Variants in PRRC2B observed in about 807,000 individuals in gnomAD.
PRRC2B encodes the protein proline rich coiled-coil 2B.
A neutral mutation model predicts 242.3 loss-of-function variants in PRRC2B; 68 were observed. The observed-to-expected ratio is 0.28, with a 90% CI of 0.23 to 0.34. The LOEUF (loss-of-function observed/expected upper bound fraction) is 0.34, where lower values mean the gene tolerates loss of function less well. Among genes scored for constraint, PRRC2B ranks in the 10% least tolerant of loss-of-function variants. The probability of loss-of-function intolerance (pLI) is 1.00; values close to 1 mark genes in which losing one functional copy is unlikely to be tolerated. For synonymous variants in PRRC2B, 1,228 were observed against 1,173.6 expected, an observed-to-expected ratio of 1.05 and a Z score of -0.95; for missense variants, 2,835 against 2,954.8, an observed-to-expected ratio of 0.96 and a Z score of 0.94.
At chr9:131,456,631 C>A (rs1307520541) in intron 10 of PRRC2B, among the ~76,000 whole-genome samples, 1 of 151,450 alleles carries the variant, frequency 6.6e-6, no homozygotes. Flanking sequence ...GAGCGAGACT[C>A]CACCTCAAAA....
chr9:131,481,174 G>A (rs934282161), intron 19 of PRRC2B, among the ~76,000 whole-genome samples: 31 of 151,934 alleles, frequency 2.0e-4, no homozygotes, highest in African/African-American at 7.0e-4. Flanking sequence ...GCCGGGCGTG[G>A]TGGCGGGCAC....
intron 19 of PRRC2B, among the ~76,000 whole-genome samples, chr9:131,481,468 ACT>A (rs973509234): frequency 1.3e-5 from 2 of 152,078 alleles, no homozygotes; most frequent in Non-Finnish European, 2.9e-5. Context: ...TGCCCTGCTC[ACT>A]CTCTCCTGTA....
chr9:131,478,755 C>T, intron 18 of PRRC2B, 136 bp downstream of exon 18: 1 of 628,060 alleles, frequency 1.6e-6, no homozygotes, highest in Non-Finnish European at 2.8e-6. Flanking sequence ...ATTTAGCAAG[C>T]ACACATTGTC....
At chr9:131,411,696 G>C (rs1037670958) in intron 1 of PRRC2B, among the ~76,000 whole-genome samples, 6 of 151,242 alleles carry the variant, frequency 4.0e-5, no homozygotes, top group Non-Finnish European at 7.4e-5. Flanking sequence ...ATTCCACTTA[G>C]ATTCAAAACT....
At chr9:131,396,411 C>T (rs1223391533) in intron 1 of PRRC2B, among the ~76,000 whole-genome samples, 1 of 150,590 alleles carries the variant, frequency 6.6e-6, no homozygotes, top group Non-Finnish European at 1.5e-5. Context: ...CTGCAACCTC[C>T]GCCTCCTGGG....
intron 1 of PRRC2B, among the ~76,000 whole-genome samples, chr9:131,386,992 CTCTT>C (rs1055341940): frequency 2.2e-4 from 33 of 149,344 alleles, no homozygotes; most frequent in African/African-American, 6.1e-4. Context: ...TTAGGCCTGT[CTCTT>C]TCTTTCTTTC....
At position 131,474,508 on chromosome 9, in the gene PRRC2B, G is replaced by T; in HGVS notation, c.2379G>T (p.Gln793His). ...GAAGGGCAGGGGGCGTAAGTGCTCA[G>T]CGCGATCTCTTTGAGGAGAGAGGGG... ...SLGRAGGVSA[Q>H]RDLFEERGEE... Residue 793 changes from glutamine (Q) to histidine (H), a missense_variant, in exon 16 of 32, where the codon CAG becomes CAT. Gln to His is a conservative substitution (Grantham distance 24). Coordinates refer to ENST00000683519, the MANE Select transcript of PRRC2B (RefSeq NM_013318.4). The T allele has an allele frequency of 6.2e-7, 1 of 1,614,040 alleles. No individual in the cohort carries two copies. Among genetic ancestry groups the T allele is most frequent in the Non-Finnish European group, 8.5e-7 (1 of 1,179,904 alleles).
intron 28 of PRRC2B, chr9:131,490,987 T>C (rs1243093751): frequency 3.8e-6 from 1 of 261,174 alleles, no homozygotes; most frequent in African/African-American, 2.2e-5. Flanking sequence ...GTCCAGTGTG[T>C]GACACACTAT....
In PRRC2B at chr9:131,487,386, G is replaced by T. The variant is rs142443080; in HGVS notation, c.5984+92G>T. 221 of 923,872 alleles carry T rather than the reference G, an allele frequency of 2.4e-4. No homozygotes were observed. The African/African-American group carries it at 3.0e-3, about 12-fold the overall frequency. The allele number at this position is 923,872 out of a possible 1,614,324, so 57.2% of individuals were successfully genotyped here. A position where few individuals can be genotyped will look rare whatever the true frequency, so the allele number is the denominator to read the frequency against. On this transcript the variant is annotated intron_variant, in intron 27 of 31. Transcript: ENST00000683519. This position sits in a 1 kb window ranked among gnomAD's most constrained non-coding sequence, Gnocchi z 5.3. The stretch of plus-strand genomic sequence containing the variant: ...TTCGTCCTGCAGCTGTTTGGTGCTT[G>T]TCTGCTTTGGGGCCAGTGGGGCGGG...
intron 1 of PRRC2B, among the ~76,000 whole-genome samples, chr9:131,377,426 T>A (rs1236057396): frequency 6.6e-6 from 1 of 152,240 alleles, no homozygotes; most frequent in Admixed American, 6.5e-5. Flanking sequence ...ACTATTAATT[T>A]TTTTTTTATA....
In PRRC2B at chr9:131,447,774, C is replaced by A; in HGVS notation, c.1090C>A (p.Leu364Met). 1 of 1,613,514 alleles carries A rather than the reference C, an allele frequency of 6.2e-7. No individual in the cohort carries two copies. The highest frequency in any genetic ancestry group is 8.5e-7 in the Non-Finnish European group (1 of 1,179,576). The change falls in exon 9 of 32, where the codon CTG becomes ATG. Residue 364 changes from leucine (L) to methionine (M), a missense_variant. Coordinates refer to ENST00000683519, the MANE Select transcript of PRRC2B (RefSeq NM_013318.4). Reference protein sequence around the residue: ...NAENLKGLDDLDADADDGWAG... With the variant: ...NAENLKGLDDMDADADDGWAG... ...GGAAAACCTGAAGGGCCTTGACGAT[C>A]TGGACGCCGATGCCGATGATGGCTG...
chr9:131,476,559 C>A, intron 16 of PRRC2B, 24 bp downstream of exon 16: 2 of 1,549,546 alleles, frequency 1.3e-6, no homozygotes, highest in South Asian at 2.5e-5. Flanking sequence ...CCATCTGGGC[C>A]CTTTTTGTTG....
intron 11 of PRRC2B, among the ~76,000 whole-genome samples, chr9:131,461,769 T>C (rs1943249071): frequency 2.6e-5 from 4 of 152,180 alleles, no homozygotes; most frequent in Admixed American, 2.6e-4. Context: ...TACCCTGATC[T>C]ACCCACCTTG....
At chr9:131,413,834 G>T (rs1464900157) in intron 1 of PRRC2B, among the ~76,000 whole-genome samples, 1 of 151,950 alleles carries the variant, frequency 6.6e-6, no homozygotes, top group Non-Finnish European at 1.5e-5. Flanking sequence ...ACCACGCCCA[G>T]CTAATTTTTG....
At chr9:131,430,041 CTT>C (rs878925675) in intron 1 of PRRC2B, 51 bp from the exon 2 acceptor site, 255 of 457,134 alleles carry the variant, frequency 5.6e-4, no homozygotes, top group Middle Eastern at 1.0e-3. Flanking sequence ...TAGTGACACT[CTT>C]TTTTTTTTTT....
Position 131,494,332 on chromosome 9 carries a change from A to T in PRRC2B, c.6474-73A>T. On this transcript the variant is annotated intron_variant, in intron 30 of 31. Transcript: ENST00000683519. This position sits in a 1 kb window ranked among gnomAD's most constrained non-coding sequence, Gnocchi z 4.3. ...GCCCTTCCTTCCTTGTGCCTCCTCC[A>T]TGTGCTAGGCTTTGACTCCATTTCT... 1 of 793,998 alleles carries T rather than the reference A, an allele frequency of 1.3e-6. No individual in the cohort carries two copies. Among genetic ancestry groups the T allele is most frequent in the Non-Finnish European group, 2.1e-6 (1 of 475,520 alleles). 49.2% of individuals were successfully genotyped at this position (793,998 alleles called of 1,614,324 possible).
chr9:131,481,678 A>G (rs1185948251), intron 19 of PRRC2B, 48 bp from the exon 20 acceptor site: 2 of 1,429,138 alleles, frequency 1.4e-6, no homozygotes, highest in East Asian at 2.5e-5. Flanking sequence ...TAAACTCTCT[A>G]GACGGGTTGC....
In PRRC2B at chr9:131,483,376, G is replaced by A. The variant is rs1331549327; in HGVS notation, c.5391G>A (p.Leu1797=). The part of the protein sequence containing the change: ...GVSPKDSDFS[L]PPGSASGPTG... The stretch of plus-strand genomic sequence containing the variant: ...TTTTTCAGGACTCCGATTTCAGCTT[G>A]CCACCTGGTTCTGCCTCTGGTCCTA... The change falls in exon 23 of 32, where the codon TTG becomes TTA. Residue 1797 remains leucine, a synonymous_variant. Coordinates refer to ENST00000683519, the MANE Select transcript of PRRC2B (RefSeq NM_013318.4). 1.2e-6 allele frequency: 2 copies of A among 1,613,890 alleles called. No individual in the cohort carries two copies. Among genetic ancestry groups the A allele is most frequent in the South Asian group, 1.1e-5 (1 of 91,076 alleles).
chr9:131,476,632 G>A, intron 16 of PRRC2B, 97 bp downstream of exon 16: 1 of 1,151,240 alleles, frequency 8.7e-7, no homozygotes, highest in Non-Finnish European at 1.2e-6. Context: ...GTGTGTCGGG[G>A]CTGGGGGCCT....
Sources: allele counts gnomAD v4.1 joint callset (sites outside exome capture counted in the v4.1 genomes callset), GRCh38; gene constraint gnomAD v4.1.1; non-coding constraint Gnocchi (gnomAD v3.1); transcripts MANE v1.5; gene names NCBI Gene and HGNC (gene_info 2026-07-23, HGNC 2026-07-21).